The following KCNQ5 variants were observed in gnomAD, a reference collection of about 807,000 sequenced individuals.
The protein encoded by KCNQ5 is potassium voltage-gated channel subfamily Q member 5, also known as potassium voltage-gated channel subfamily KQT member 5.
Under a neutral mutation model 98.2 loss-of-function variants are expected in KCNQ5, and 30 were observed. The observed-to-expected ratio is 0.31, with a 90% CI of 0.23 to 0.41. KCNQ5 has a LOEUF of 0.41. Among genes scored for constraint, KCNQ5 ranks in the 10% least tolerant of loss-of-function variants. KCNQ5 has a pLI of 1.00. For missense variants in KCNQ5, 835 were observed against 1,182.5 expected (o/e 0.71, Z 4.31); for synonymous variants, 458 against 449.4 (o/e 1.02, Z -0.24).
At chr6:72,724,943 T>C (rs966656650) in intron 1 of KCNQ5, among the ~76,000 whole-genome samples, 1 of 152,216 alleles carries the variant, frequency 6.6e-6, no homozygotes, top group African/African-American at 2.4e-5. Context: ...ATAACATGGT[T>C]GCATAGAGAA....
chr6:72,745,654 C>T (rs1001847194), intron 1 of KCNQ5, among the ~76,000 whole-genome samples: 1 of 152,178 alleles, frequency 6.6e-6, no homozygotes, highest in African/African-American at 2.4e-5. Context: ...ACCCTTCTAA[C>T]CCTTCTTAAA....
At chr6:72,796,004 A>G (rs2154478414) in intron 1 of KCNQ5, among the ~76,000 whole-genome samples, 1 of 152,286 alleles carries the variant, frequency 6.6e-6, no homozygotes, top group South Asian at 2.1e-4. Context: ...CAGAAAATGT[A>G]CACCTTTAAA....
At chr6:73,157,420 A>G (rs1008458340) in intron 10 of KCNQ5, 52 of 636,212 alleles carry the variant, frequency 8.2e-5, no homozygotes, top group Admixed American at 4.9e-4. Context: ...AGCTCTGCAC[A>G]GGCCGCCCGG....
chr6:73,195,301 G>A lies in KCNQ5; in HGVS notation c.2686G>A (p.Ala896Thr), dbSNP rs1424680873. 6.2e-7 allele frequency: 1 copy of A among 1,614,198 alleles called. No homozygotes were observed. The highest frequency in any genetic ancestry group is 1.1e-5 in the South Asian group (1 of 91,076). The change falls in exon 14 of 14, where the codon GCT (alanine) becomes ACT (threonine). Residue 896 changes from alanine to threonine, a missense_variant. Ala to Thr is a moderately conservative substitution (Grantham distance 58). Transcript: ENST00000370398. ...TGCCGCACCGCAGCCTGCCAGGGAA[G>A]CTGCCTTTGCATCAGACTCTCTAAG... is the stretch of plus-strand genomic sequence containing the variant. ...FDAAPQPARE[A>T]AFASDSLRTG...
At chr6:72,694,672 G>T (rs957609852) in intron 1 of KCNQ5, among the ~76,000 whole-genome samples, 2 of 152,186 alleles carry the variant, frequency 1.3e-5, no homozygotes, top group Non-Finnish European at 2.9e-5. Flanking sequence ...ACTACCTCAA[G>T]AAATGTGTTA....
chr6:73,062,825 T>C (rs1473586424), intron 3 of KCNQ5, among the ~76,000 whole-genome samples: 1 of 152,222 alleles, frequency 6.6e-6, no homozygotes, highest in Non-Finnish European at 1.5e-5. Flanking sequence ...CTCAATTATT[T>C]TACTTCTGCC....
At chr6:72,972,447 G>A (rs548946430) in intron 1 of KCNQ5, among the ~76,000 whole-genome samples, 1 of 151,940 alleles carries the variant, frequency 6.6e-6, no homozygotes, top group East Asian at 1.9e-4. Flanking sequence ...TGTGTGCCAT[G>A]GTGGTTTGCT....
chr6:73,158,000 G>A lies in KCNQ5; in HGVS notation c.1469-11746G>A, dbSNP rs551149784. On this transcript the variant is annotated intron_variant, in intron 10 of 13. Transcript: ENST00000370398. Reference sequence around the variant, plus strand: ...ACCCCTTGAACGGCCGGAAGATCAAGTAGGGTTCTCTGGGTTTAATGTCCA... The same window carrying A: ...ACCCCTTGAACGGCCGGAAGATCAAATAGGGTTCTCTGGGTTTAATGTCCA... 3.4e-4 allele frequency: 253 copies of A among 741,238 alleles called. 3 individuals carry two copies. The highest frequency in any genetic ancestry group is 1.1e-3 in the Admixed American group (66 of 57,604). The allele number at this position is 741,238 out of a possible 1,614,324, so 45.9% of individuals were successfully genotyped here.
At chr6:72,925,823 T>C (rs917566966) in intron 1 of KCNQ5, among the ~76,000 whole-genome samples, 1 of 152,110 alleles carries the variant, frequency 6.6e-6, no homozygotes, top group South Asian at 2.1e-4. Flanking sequence ...ATGGGAACCT[T>C]GTGGGCAAAG....
intron 1 of KCNQ5, among the ~76,000 whole-genome samples, chr6:72,930,736 A>G (rs1459398051): frequency 6.6e-6 from 1 of 152,174 alleles, no homozygotes; most frequent in Non-Finnish European, 1.5e-5. Context: ...AATTACTGCA[A>G]CACACTTTGG....
At chr6:73,123,194 T>TATAA (rs1325403799) in intron 8 of KCNQ5, among the ~76,000 whole-genome samples, 6 of 151,378 alleles carry the variant, frequency 4.0e-5, no homozygotes, top group African/African-American at 1.5e-4. Context: ...GGATAGACAA[T>TATAA]ATAAATAAAT....
At chr6:72,655,033 T>C (rs4707982) in intron 1 of KCNQ5, among the ~76,000 whole-genome samples, 9,532 of 66,006 alleles carry the variant, frequency 0.14, 674 homozygotes, top group African/African-American at 0.34. Context: ...TCTGTCTTTC[T>C]TTCTTTCTTT....
At chr6:73,188,326 A>C (rs1765458257) in intron 11 of KCNQ5, among the ~76,000 whole-genome samples, 1 of 152,268 alleles carries the variant, frequency 6.6e-6, no homozygotes, top group African/African-American at 2.4e-5. Context: ...TATTGAAGAC[A>C]TACAAAGTAC....
chr6:73,054,525 A>G (rs975207093), intron 3 of KCNQ5, among the ~76,000 whole-genome samples: 2 of 152,254 alleles, frequency 1.3e-5, no homozygotes, highest in Non-Finnish European at 2.9e-5. Context: ...CCTGGGACAC[A>G]AGTTTGGTTC....
At chr6:72,982,067 A>G (rs558964271) in intron 1 of KCNQ5, among the ~76,000 whole-genome samples, 2 of 152,286 alleles carry the variant, frequency 1.3e-5, no homozygotes, top group African/African-American at 4.8e-5. Flanking sequence ...GGAGTGCTTT[A>G]CTTCCAACTC....
At chr6:72,664,660 AAAACAAACAAACAAACAAAC>A (rs146656242) in intron 1 of KCNQ5, among the ~76,000 whole-genome samples, 1 of 150,494 alleles carries the variant, frequency 6.6e-6, no homozygotes, top group Non-Finnish European at 1.5e-5. Context: ...TGTCTCAAGA[AAAACAAACAAACAAACAAAC>A]AAACAAACAA....
intron 1 of KCNQ5, among the ~76,000 whole-genome samples, chr6:72,773,442 G>T (rs1172033583): frequency 6.6e-6 from 1 of 152,092 alleles, no homozygotes; most frequent in Non-Finnish European, 1.5e-5. Flanking sequence ...TCACACACCA[G>T]GGCCTGTCAG....
At chr6:72,714,605 T>A (rs1769545955) in intron 1 of KCNQ5, among the ~76,000 whole-genome samples, 1 of 152,246 alleles carries the variant, frequency 6.6e-6, no homozygotes, top group African/African-American at 2.4e-5. Flanking sequence ...TGAAAATATC[T>A]TTTTATCATG....
chr6:72,899,115 A>G (rs1462711136), intron 1 of KCNQ5, among the ~76,000 whole-genome samples: 1 of 152,098 alleles, frequency 6.6e-6, no homozygotes, highest in African/African-American at 2.4e-5. Flanking sequence ...ATTTTTTCCC[A>G]TTATGTAGGT....
Sources: allele counts gnomAD v4.1 joint callset (sites outside exome capture counted in the v4.1 genomes callset), GRCh38; gene constraint gnomAD v4.1.1; transcripts MANE v1.5; gene names NCBI Gene and HGNC (gene_info 2026-07-23, HGNC 2026-07-21).